ZNF737: variants seen among roughly 807,000 people sequenced by gnomAD.
ZNF737 encodes the protein zinc finger protein 102 (Y3).
In ZNF737, 13 loss-of-function variants were observed where a neutral mutation model predicts 11.7. That is an observed-to-expected ratio of 1.11 (90% confidence interval 0.73 to 1.77). The LOEUF is 1.77. Ranked by LOEUF, ZNF737 falls within the 40% of genes most tolerant of loss-of-function variation. ZNF737 has a pLI of 0.00. For missense variants in ZNF737, 636 were observed against 638.0 expected (o/e 1.00, Z 0.03); for synonymous variants, 217 against 216.2 (o/e 1.00, Z -0.03).
At chr19:20,535,136 G>A (rs1467044237), downstream of ZNF737, among the ~76,000 whole-genome samples, 1 of 151,642 alleles carries the variant, frequency 6.6e-6, no homozygotes, top group Non-Finnish European at 1.5e-5. Flanking sequence ...AAATTAGCCT[G>A]GTGTGGTGGC....
chr19:20,561,561 G>A (rs1463412091), intron 1 of ZNF737, among the ~76,000 whole-genome samples: 45 of 151,430 alleles, frequency 3.0e-4, no homozygotes, highest in African/African-American at 1.0e-3. Context: ...AGACAGCAGA[G>A]CTCCCATTCC....
At chr19:20,533,749 C>A (rs1228114993), downstream of ZNF737, among the ~76,000 whole-genome samples, 1 of 150,046 alleles carries the variant, frequency 6.7e-6, no homozygotes, top group African/African-American at 2.5e-5. Flanking sequence ...TTTACATTTA[C>A]CATTTTGGGC....
At chr19:20,537,639 C>CCCAAGTAGCTG (rs1968030448), downstream of ZNF737, among the ~76,000 whole-genome samples, 1 of 150,536 alleles carries the variant, frequency 6.6e-6, no homozygotes, top group African/African-American at 2.4e-5. Context: ...GCCTCAGCCT[C>CCCAAGTAGCTG]CCAAGTAGCT....
chr19:20,565,203 G>A (rs566127649), intron 1 of ZNF737, among the ~76,000 whole-genome samples: 1 of 152,310 alleles, frequency 6.6e-6, no homozygotes. Context: ...CCAAAGTGCT[G>A]GGATTACAGG....
At chr19:20,546,508 C>A (rs1555757112) in intron 3 of ZNF737, among the ~76,000 whole-genome samples, 1 of 152,154 alleles carries the variant, frequency 6.6e-6, no homozygotes, top group African/African-American at 2.4e-5. Context: ...GGATTCACAG[C>A]CACACACAAA....
chr19:20,551,752 A>G (rs1968680912), intron 3 of ZNF737, among the ~76,000 whole-genome samples: 6 of 151,974 alleles, frequency 3.9e-5, no homozygotes, highest in Admixed American at 3.9e-4. Flanking sequence ...TACAATAAAA[A>G]AATGAAAAAA....
intron 3 of ZNF737, among the ~76,000 whole-genome samples, chr19:20,551,744 C>T (rs974163520): frequency 1.9e-4 from 28 of 150,522 alleles, no homozygotes; most frequent in African/African-American, 5.9e-4. Flanking sequence ...AAAATGTTTA[C>T]AATAAAAAAA....
rs1555755961 is a variant in ZNF737, at chr19:20,544,690, C to T, written c.1513G>A (p.Gly505Arg). The T allele has an allele frequency of 1.9e-6, 3 of 1,607,054 alleles. No homozygotes were observed. The highest frequency in any genetic ancestry group is 1.7e-5 in the Admixed American group (1 of 59,148). The change falls in exon 4 of 4, where the codon GGA becomes AGA. Residue 505 changes from glycine to arginine, a missense_variant. Transcript: ENST00000427401. ...TCTTCACATTTGTAGGGTTTCTCTC[C>T]AGTATGAATTCTCTTATGTCTAGTA... Reference protein sequence around the residue: ...ILTRHKRIHTGEKPYKCEECG... With the variant: ...ILTRHKRIHTREKPYKCEECG...
At position 20,541,216 on chromosome 19, in the gene ZNF737, T is replaced by G; in HGVS notation, c.*3376A>C. Reference sequence around the variant, plus strand: ...ACCTAAATAACATAATTTGTTTTGTTGCAGTAATTGCTTTTATTCTGAAAA... The same window carrying G: ...ACCTAAATAACATAATTTGTTTTGTGGCAGTAATTGCTTTTATTCTGAAAA... On this transcript the variant is annotated 3_prime_UTR_variant, in exon 4 of 4. Transcript: ENST00000427401. 1.0e-6 allele frequency: 1 copy of G among 983,652 alleles called. No individual in the cohort carries two copies. The highest frequency in any genetic ancestry group is 1.2e-6 in the Non-Finnish European group (1 of 828,322). The allele number at this position is 983,652 out of a possible 1,614,324, so 60.9% of individuals were successfully genotyped here.
intron 3 of ZNF737, among the ~76,000 whole-genome samples, chr19:20,550,612 C>G (rs1357480818): frequency 1.3e-5 from 2 of 152,054 alleles, no homozygotes; most frequent in African/African-American, 2.4e-5. Flanking sequence ...ATGAGAGAAC[C>G]AGGATTATGA....
intron 3 of ZNF737, among the ~76,000 whole-genome samples, chr19:20,551,416 T>C (rs1363595483): frequency 9.2e-6 from 1 of 108,546 alleles, no homozygotes; most frequent in African/African-American, 4.0e-5. Context: ...GCAACATGAG[T>C]GAAACCCCAT....
rs528282629 is a variant in ZNF737, at chr19:20,552,541, T to C, written c.160A>G (p.Thr54Ala). ...GIVVSKPDLI[T>A]CLEQGKKPLT... is the part of the protein sequence containing the mutation. Reference sequence around the variant, plus strand: ...GGTTTTTTTCCTTGCTCCAGACAGGTGATGAGGTCTGGCTTAGAGACAACA... The same window carrying C: ...GGTTTTTTTCCTTGCTCCAGACAGGCGATGAGGTCTGGCTTAGAGACAACA... The change falls in exon 3 of 4, where the codon ACC becomes GCC. Residue 54 changes from threonine (T) to alanine (A), a missense_variant. Coordinates refer to ENST00000427401, the MANE Select transcript of ZNF737 (RefSeq NM_001159293.2). 366 of 1,592,344 alleles carry C rather than the reference T, an allele frequency of 2.3e-4. 6 individuals carry two copies. The South Asian group carries it at 3.7e-3, about 16-fold the overall frequency.
chr19:20,541,357 CTA>C lies in ZNF737; in HGVS notation c.*3233_*3234del, dbSNP rs1202673340. On this transcript the variant is annotated 3_prime_UTR_variant, in exon 4 of 4. Coordinates refer to ENST00000427401, the MANE Select transcript of ZNF737 (RefSeq NM_001159293.2). ...CTCTATGTAAATTAAAACTAAAAGTCTATGTGTTTGCAGGCAGAGACCACATG... is the reference window on the plus strand; with the variant it reads ...CTCTATGTAAATTAAAACTAAAAGTCTGTGTTTGCAGGCAGAGACCACATG... 2 of 984,004 alleles carry C rather than the reference CTA, an allele frequency of 2.0e-6. No individual in the cohort carries two copies. Among genetic ancestry groups the C allele is most frequent in the East Asian group, 1.1e-4 (1 of 8,804 alleles). The allele number at this position is 984,004 out of a possible 1,614,324, so 61.0% of individuals were successfully genotyped here.
rs1968405967 is a variant in ZNF737, at chr19:20,545,339, T to G, written c.864A>C (p.Glu288Asp). 6.2e-7 allele frequency: 1 copy of G among 1,613,820 alleles called. No individual in the cohort carries two copies. Among genetic ancestry groups the G allele is most frequent in the African/African-American group, 1.3e-5 (1 of 74,898 alleles). The change falls in exon 4 of 4, where the codon GAA becomes GAC. Residue 288 changes from glutamate to aspartate, a missense_variant. Coordinates refer to ENST00000427401, the MANE Select transcript of ZNF737 (RefSeq NM_001159293.2). ...AGCGCTTAAAGGCCTTGCCACATTC[T>G]TCACATTTGTAGGGTTTCTCTCCAG... ...IHTGEKPYKC[E>D]ECGKAFKRSS...
chr19:20,541,557 C>G lies in ZNF737; in HGVS notation c.*3035G>C, dbSNP rs1968206993. 1 of 303,744 alleles carries G rather than the reference C, an allele frequency of 3.3e-6. No individual in the cohort carries two copies. The highest frequency in any genetic ancestry group is 4.8e-6 in the Non-Finnish European group (1 of 207,164). The allele number at this position is 303,744 out of a possible 1,614,324, so 18.8% of individuals were successfully genotyped here. On this transcript the variant is annotated 3_prime_UTR_variant, in exon 4 of 4. Coordinates refer to ENST00000427401, the MANE Select transcript of ZNF737 (RefSeq NM_001159293.2). ...TGCCTCCTGGGCTCAAACGATTCTC[C>G]TGCCTCAGCCTCCTGGCATGTGCCA... is the stretch of plus-strand genomic sequence containing the variant.
Position 20,545,728 on chromosome 19 carries a change from T to C in ZNF737, c.475A>G (p.Asn159Asp), listed in dbSNP as rs782703996. 23 of 1,612,728 alleles carry C rather than the reference T, an allele frequency of 1.4e-5. No homozygotes were observed. In the South Asian group the frequency reaches 2.4e-4, roughly 17 times the overall value. ...KYVKVIHKFS[N>D]SNRHKIRHTG... Reference sequence around the variant, plus strand: ...TGTCTTATCTTATGTCTGTTTGAATTTGAAAATTTATGAATGACTTTCACA... The same window carrying C: ...TGTCTTATCTTATGTCTGTTTGAATCTGAAAATTTATGAATGACTTTCACA... Residue 159 changes from asparagine (N) to aspartate (D), a missense_variant, in exon 4 of 4, where the codon AAT (asparagine) becomes GAT (aspartate). Transcript: ENST00000427401.
At position 20,545,302 on chromosome 19, in the gene ZNF737, T is replaced by C. The variant is rs781916437; in HGVS notation, c.901A>G (p.Thr301Ala). 9.3e-6 allele frequency: 15 copies of C among 1,612,808 alleles called. No homozygotes were observed. Among genetic ancestry groups the C allele is most frequent in the Non-Finnish European group, 1.3e-5 (15 of 1,179,612 alleles). Residue 301 changes from threonine (T) to alanine (A), a missense_variant, in exon 4 of 4, where the codon ACT becomes GCT. Thr to Ala is a moderately conservative substitution (Grantham distance 58). Coordinates refer to ENST00000427401, the MANE Select transcript of ZNF737 (RefSeq NM_001159293.2). ...CCGCTATGAATTATCTTATGCGCAG[T>C]AAGGATAGAGGAGCGCTTAAAGGCC... The part of the protein sequence containing the change: ...GKAFKRSSIL[T>A]AHKIIHSGEK...
At chr19:20,556,202 G>C (rs1555761141) in intron 1 of ZNF737, among the ~76,000 whole-genome samples, 1 of 152,076 alleles carries the variant, frequency 6.6e-6, no homozygotes, top group African/African-American at 2.4e-5. Flanking sequence ...TAGTGCAAAG[G>C]TGGAACTTAA....
chr19:20,543,517 T>C lies in ZNF737; in HGVS notation c.*1075A>G. ...TTAGATGTGAGTAGGAATTAATAGGTTTTCCATATTCCTTCTATTTGTACA... is the reference window on the plus strand; with the variant it reads ...TTAGATGTGAGTAGGAATTAATAGGCTTTCCATATTCCTTCTATTTGTACA... On this transcript the variant is annotated 3_prime_UTR_variant, in exon 4 of 4. Coordinates refer to ENST00000427401, the MANE Select transcript of ZNF737 (RefSeq NM_001159293.2). 1 of 984,878 alleles carries C rather than the reference T, an allele frequency of 1.0e-6. No individual in the cohort carries two copies. 61.0% of individuals were successfully genotyped at this position (984,878 alleles called of 1,614,324 possible). A position where few individuals can be genotyped will look rare whatever the true frequency, so the allele number is the denominator to read the frequency against.
Sources: gnomAD v4.1 joint callset for allele counts (sites outside exome capture counted in the v4.1 genomes callset) on GRCh38, gnomAD v4.1.1 for gene constraint, MANE v1.5 for transcripts, NCBI Gene and HGNC (gene_info 2026-07-23, HGNC 2026-07-21) for gene names.